SNX29: variants seen among roughly 807,000 people sequenced by gnomAD.
The protein encoded by SNX29 is sorting nexin 29.
SNX29 carries 78 observed loss-of-function variants against 102.1 expected under a neutral mutation model. The observed-to-expected ratio is 0.76, with a 90% confidence interval of 0.64 to 0.92. The LOEUF (loss-of-function observed/expected upper bound fraction) is 0.92, where lower values mean the gene tolerates loss of function less well. Among genes scored for constraint, SNX29 ranks in the 40% least tolerant of loss-of-function variants. SNX29 has a pLI of 0.00. For synonymous variants in SNX29, 580 were observed against 414.5 expected, an observed-to-expected ratio of 1.40 and a Z score of -4.85; for missense variants, 1,280 against 1,061.7, an observed-to-expected ratio of 1.21 and a Z score of -2.86.
intron 15 of SNX29, among the ~76,000 whole-genome samples, chr16:12,354,595 G>A (rs996557585): frequency 6.6e-6 from 1 of 152,192 alleles, no homozygotes; most frequent in African/African-American, 2.4e-5. Flanking sequence ...ACATTTTGTG[G>A]GGGCACATTG....
chr16:12,520,873 G>A (rs2090071817), intron 19 of SNX29, among the ~76,000 whole-genome samples: 1 of 152,128 alleles, frequency 6.6e-6, no homozygotes, highest in South Asian at 2.1e-4. Flanking sequence ...TCAGGTGAAG[G>A]GGGCACTAGA....
At chr16:12,003,070 GA>G in intron 3 of SNX29, 27 bp downstream of exon 3, 1 of 1,613,516 alleles carries the variant, frequency 6.2e-7, no homozygotes, top group East Asian at 2.2e-5. Context: ...TAAAACCGTT[GA>G]CCATCGAGGT....
At chr16:11,999,799 G>C (rs2056221009) in intron 2 of SNX29, among the ~76,000 whole-genome samples, 1 of 152,062 alleles carries the variant, frequency 6.6e-6, no homozygotes, top group African/African-American at 2.4e-5. Flanking sequence ...TACTTGGGAG[G>C]CTGAGGCAGG....
At chr16:12,539,711 T>A (rs1357250877) in intron 20 of SNX29, among the ~76,000 whole-genome samples, 2 of 152,202 alleles carry the variant, frequency 1.3e-5, no homozygotes, top group Non-Finnish European at 2.9e-5. Context: ...CTGTCATGAT[T>A]CTTTACTGTG....
intron 15 of SNX29, among the ~76,000 whole-genome samples, chr16:12,323,513 G>GT (rs962390269): frequency 1.2e-4 from 13 of 109,232 alleles, no homozygotes; most frequent in African/African-American, 3.0e-4. Context: ...CTGCCTAGAG[G>GT]TTTTAAAAAA....
At chr16:12,093,915 G>C (rs190712399) in intron 11 of SNX29, 1 of 152,162 alleles carries the variant, frequency 6.6e-6, no homozygotes, top group African/African-American at 2.4e-5. Context: ...TAAGAAACAC[G>C]AAACACTTCA....
chr16:12,535,694 C>G (rs1416317857), intron 20 of SNX29, among the ~76,000 whole-genome samples: 1 of 152,162 alleles, frequency 6.6e-6, no homozygotes, highest in African/African-American at 2.4e-5. Flanking sequence ...TGCATTGTAA[C>G]TGTGGGTCCT....
In SNX29 at chr16:12,051,921, G is replaced by A. The variant is rs777175506; in HGVS notation, c.823G>A (p.Glu275Lys). ...AATCTCATTTGATGATGAGGAAGATGAGCAGAACTCTGGGGACGTGTTTAA... is the reference window on the plus strand; with the variant it reads ...AATCTCATTTGATGATGAGGAAGATAAGCAGAACTCTGGGGACGTGTTTAA... ...NIISFDDEED[E>K]QNSGDVFKKT... The change falls in exon 8 of 21, where the codon GAG becomes AAG. Residue 275 changes from glutamate (E) to lysine (K), a missense_variant. Glu to Lys is a moderately conservative substitution (Grantham distance 56). Coordinates refer to ENST00000566228, the MANE Select transcript of SNX29 (RefSeq NM_032167.5). 1.1e-5 allele frequency: 18 copies of A among 1,613,486 alleles called. No homozygotes were observed. The East Asian group carries it at 2.7e-4, about 24-fold the overall frequency.
chr16:12,249,693 T>C (rs973375579), intron 14 of SNX29, among the ~76,000 whole-genome samples: 2 of 152,176 alleles, frequency 1.3e-5, no homozygotes, highest in South Asian at 2.1e-4. Flanking sequence ...CAAAATGAGG[T>C]GGAGAGTATT....
intron 20 of SNX29, among the ~76,000 whole-genome samples, chr16:12,558,372 CATCGGAATTTTACAT>C (rs1461736814): frequency 3.9e-5 from 6 of 152,166 alleles, no homozygotes; most frequent in African/African-American, 1.4e-4. Flanking sequence ...CATTGGTAAC[CATCGGAATTTTACAT>C]AGAGTGATAT....
chr16:12,534,628 C>T (rs1039409714), intron 20 of SNX29, among the ~76,000 whole-genome samples: 2 of 152,202 alleles, frequency 1.3e-5, no homozygotes, highest in Non-Finnish European at 2.9e-5. Flanking sequence ...AAATTCCATT[C>T]ATGGGTAAAA....
chr16:12,490,494 G>A (rs1489298302), intron 19 of SNX29, among the ~76,000 whole-genome samples: 3 of 152,292 alleles, frequency 2.0e-5, no homozygotes, highest in South Asian at 4.1e-4. Context: ...ATTACAAATA[G>A]TGCTGTAATT....
At chr16:12,253,784 T>C (rs28408454) in intron 14 of SNX29, among the ~76,000 whole-genome samples, 14,679 of 151,886 alleles carry the variant, frequency 0.097, 1,745 homozygotes, top group African/African-American at 0.28. Flanking sequence ...AAAGGAGGGG[T>C]GGCCTCTGAG....
At position 12,081,642 on chromosome 16, in the gene SNX29, C is replaced by CATGG. The variant is rs2051886400; in HGVS notation, c.1402+2728_1402+2729insTGGA. ...GAGCCGAGATGGCGACACTGCACTC[C>CATGG]AGCCTGGGTGCCAGAGCGAGACTCT... On this transcript the variant is annotated intron_variant, in intron 11 of 20. Transcript: ENST00000566228. The CATGG allele has an allele frequency of 2.2e-5, 3 of 135,546 alleles. No homozygotes were observed. The Admixed American group carries it at 2.5e-4, about 11-fold the overall frequency. The allele number at this position is 135,546 out of a possible 1,614,324, so 8.4% of individuals were successfully genotyped here.
At chr16:12,252,489 C>T (rs2078450298) in intron 14 of SNX29, among the ~76,000 whole-genome samples, 5 of 152,244 alleles carry the variant, frequency 3.3e-5, no homozygotes, top group Admixed American at 3.3e-4. Flanking sequence ...ACTGATGGAA[C>T]TCAGTAAGGC....
intron 11 of SNX29, among the ~76,000 whole-genome samples, chr16:12,122,270 C>G (rs12599793): frequency 0.25 from 38,688 of 151,986 alleles, 4,889 homozygotes; most frequent in Middle Eastern, 0.32. Flanking sequence ...CTCTTGTCAG[C>G]CTGTGGCACA....
At position 12,078,882 on chromosome 16, in the gene SNX29, C is replaced by A. The variant is rs556852372; in HGVS notation, c.1369C>A (p.Pro457Thr). 2 of 1,606,546 alleles carry A rather than the reference C, an allele frequency of 1.2e-6. No homozygotes were observed. The highest frequency in any genetic ancestry group is 1.1e-5 in the South Asian group (1 of 89,078). ...CGGAAGTCCTCTGAGCAGCCTGTTA[C>A]CTTCTGCCTCAGTGCCAGAGTCCAT... ...GHGSPLSSLL[P>T]SASVPESMTI... The change falls in exon 11 of 21, where the codon CCT (proline) becomes ACT (threonine). Residue 457 changes from proline (P) to threonine (T), a missense_variant. Transcript: ENST00000566228.
intron 10 of SNX29, among the ~76,000 whole-genome samples, chr16:12,069,960 C>G (rs2051220548): frequency 7.1e-6 from 1 of 140,374 alleles, no homozygotes; most frequent in Non-Finnish European, 1.6e-5. Context: ...TTACAGGCCA[C>G]CGTGCCCGGC....
intron 14 of SNX29, among the ~76,000 whole-genome samples, chr16:12,258,594 C>T (rs577410986): frequency 6.6e-6 from 1 of 152,242 alleles, no homozygotes; most frequent in Admixed American, 6.5e-5. Context: ...CTCTCATGTT[C>T]CACTCCCCAC....
Sources: allele counts gnomAD v4.1 joint callset (sites outside exome capture counted in the v4.1 genomes callset), GRCh38; gene constraint gnomAD v4.1.1; transcripts MANE v1.5; gene names NCBI Gene and HGNC (gene_info 2026-07-23, HGNC 2026-07-21).